The following RALGAPA2 variants were observed in gnomAD, a reference collection of about 807,000 sequenced individuals.
The protein encoded by RALGAPA2 is Ral GTPase activating protein catalytic subunit alpha 2, also known as ral GTPase-activating protein subunit alpha-2.
In RALGAPA2, 139 loss-of-function variants were observed where a neutral mutation model predicts 230.4. The observed-to-expected ratio is 0.60, with a 90% confidence interval of 0.53 to 0.69. The LOEUF (loss-of-function observed/expected upper bound fraction) is 0.69. Ranked by LOEUF, RALGAPA2 falls within the 30% of genes least tolerant of loss-of-function variation. The pLI is 0.00. For synonymous variants in RALGAPA2, 847 were observed against 837.8 expected (o/e 1.01, Z -0.19); for missense variants, 2,163 against 2,276.0 (o/e 0.95, Z 1.01).
chr20:20,658,432 G>A lies in RALGAPA2; in HGVS notation c.271-4845C>T, dbSNP rs2067661346. Among the ~76,000 whole-genome samples the A allele has an allele frequency of 2.0e-5, 3 of 152,120 alleles. No homozygotes were observed. In the South Asian group the frequency reaches 6.2e-4, roughly 32 times the overall value. On this transcript the variant is annotated intron_variant, in intron 3 of 39. Transcript: ENST00000202677. ...ACAATCTGGCATTTCTTCTACTGCA[G>A]CCAATATTCTAAGCTATACTGCTGT...
intron 35 of RALGAPA2, among the ~76,000 whole-genome samples, chr20:20,496,475 A>G (rs949141227): frequency 2.0e-4 from 31 of 152,224 alleles, no homozygotes; most frequent in Admixed American, 6.5e-5. Flanking sequence ...GCCCTCTGAC[A>G]TCTTCTGGGA....
At chr20:20,454,157 A>G (rs1283582661) in intron 37 of RALGAPA2, among the ~76,000 whole-genome samples, 1 of 152,204 alleles carries the variant, frequency 6.6e-6, no homozygotes, top group African/African-American at 2.4e-5. Flanking sequence ...AAAAATGGAA[A>G]GGATGCAGTG....
chr20:20,431,836 G>A (rs2060508308), intron 37 of RALGAPA2, among the ~76,000 whole-genome samples: 1 of 152,084 alleles, frequency 6.6e-6, no homozygotes. Flanking sequence ...GGTTCCAAAT[G>A]TCACTTCTAT....
chr20:20,486,343 T>C (rs1161751003), intron 36 of RALGAPA2, among the ~76,000 whole-genome samples: 2 of 152,234 alleles, frequency 1.3e-5, no homozygotes, highest in Non-Finnish European at 1.5e-5. Context: ...TTTTGAAGGA[T>C]AATTTCTCTG....
At chr20:20,615,204 C>T (rs555727794) in intron 13 of RALGAPA2, among the ~76,000 whole-genome samples, 44 of 149,428 alleles carry the variant, frequency 2.9e-4, no homozygotes, top group Admixed American at 2.9e-3. Context: ...CTCACTCTGT[C>T]GCCCAGGCTG....
chr20:20,431,461 G>A (rs1407058201), intron 37 of RALGAPA2, among the ~76,000 whole-genome samples: 1 of 152,136 alleles, frequency 6.6e-6, no homozygotes, highest in Non-Finnish European at 1.5e-5. Context: ...GGCAGGTAGA[G>A]GACATTTCAA....
chr20:20,618,677 T>C (rs1259532753), intron 12 of RALGAPA2, among the ~76,000 whole-genome samples: 2 of 152,248 alleles, frequency 1.3e-5, no homozygotes, highest in Middle Eastern at 3.4e-3. Flanking sequence ...GCACCCTGTA[T>C]TTTCACTTAC....
At chr20:20,478,397 A>G (rs748160164) in intron 36 of RALGAPA2, among the ~76,000 whole-genome samples, 2 of 152,158 alleles carry the variant, frequency 1.3e-5, no homozygotes, top group Non-Finnish European at 2.9e-5. Flanking sequence ...AAGTAGAAGG[A>G]AAGAACTAAT....
At chr20:20,394,410 G>C (rs1439112612) in intron 39 of RALGAPA2, among the ~76,000 whole-genome samples, 2 of 152,098 alleles carry the variant, frequency 1.3e-5, no homozygotes, top group East Asian at 3.9e-4. Flanking sequence ...GGGCGCGGTG[G>C]GCGGATCGCT....
intron 3 of RALGAPA2, among the ~76,000 whole-genome samples, chr20:20,668,247 A>G (rs1372274181): frequency 6.6e-6 from 1 of 152,080 alleles, no homozygotes; most frequent in African/African-American, 2.4e-5. Context: ...TACTAAGAAT[A>G]CAAAAATTAG....
intron 23 of RALGAPA2, among the ~76,000 whole-genome samples, chr20:20,562,477 C>T (rs2064287109): frequency 1.3e-5 from 2 of 152,200 alleles, no homozygotes; most frequent in South Asian, 2.1e-4. Flanking sequence ...TATTTTTATG[C>T]TTTATTTCAC....
chr20:20,542,236 A>C (rs2063663176), intron 24 of RALGAPA2, among the ~76,000 whole-genome samples: 1 of 152,206 alleles, frequency 6.6e-6, no homozygotes, highest in South Asian at 2.1e-4. Flanking sequence ...GTAACTACAA[A>C]CCACTGCTCA....
intron 10 of RALGAPA2, among the ~76,000 whole-genome samples, chr20:20,626,112 G>A (rs2146388837): frequency 6.6e-6 from 1 of 152,292 alleles, no homozygotes; most frequent in Admixed American, 6.5e-5. Context: ...CTGAGAATGT[G>A]CACTTCTTGA....
At chr20:20,561,268 T>C (rs947671711) in intron 23 of RALGAPA2, among the ~76,000 whole-genome samples, 3 of 152,244 alleles carry the variant, frequency 2.0e-5, no homozygotes, top group African/African-American at 7.2e-5. Context: ...ACAGCACTGC[T>C]TCAGACATTT....
Position 20,619,410 on chromosome 20 carries a change from G to T in RALGAPA2, c.1406C>A (p.Ser469Ter), listed in dbSNP as rs1412423792. ...TCGTTTATGACCAGAACTTTCAGAT[G>T]AGGCCTTCAGAAGATAATGATCCAT... ...GFSETDSKEA[S>*]SESSGHKRSS... The change falls in exon 12 of 40, where the codon TCA becomes TAA. Residue 469 changes from serine to a stop codon, truncating the protein, a stop_gained. Coordinates refer to ENST00000202677, the MANE Select transcript of RALGAPA2 (RefSeq NM_020343.4). LOFTEE classifies it high-confidence loss of function. 1 of 1,597,382 alleles carries T rather than the reference G, an allele frequency of 6.3e-7. No homozygotes were observed. The highest frequency in any genetic ancestry group is 2.2e-5 in the East Asian group (1 of 44,642).
chr20:20,450,933 G>C (rs763421554), intron 37 of RALGAPA2, among the ~76,000 whole-genome samples: 3 of 152,194 alleles, frequency 2.0e-5, no homozygotes, highest in Non-Finnish European at 4.4e-5. Context: ...ATACTCCAGT[G>C]AATTTTGCCC....
chr20:20,616,276 T>C (rs144371343), intron 12 of RALGAPA2, 85 bp from the exon 13 acceptor site: 182 of 1,009,036 alleles, frequency 1.8e-4, no homozygotes, highest in Non-Finnish European at 2.2e-4. Flanking sequence ...AATTTCACTC[T>C]ACCAATGAAA....
intron 27 of RALGAPA2, among the ~76,000 whole-genome samples, chr20:20,528,534 G>A (rs566489383): frequency 7.2e-5 from 11 of 152,312 alleles, no homozygotes; most frequent in African/African-American, 2.6e-4. Flanking sequence ...AGGAGAAGGA[G>A]GAAAGTCAGT....
At chr20:20,446,845 T>C (rs971034874) in intron 37 of RALGAPA2, among the ~76,000 whole-genome samples, 5 of 152,176 alleles carry the variant, frequency 3.3e-5, no homozygotes, top group African/African-American at 1.2e-4. Flanking sequence ...CGAGCCTCTT[T>C]GGCTGGCTGT....
Sources: allele counts gnomAD v4.1 joint callset (sites outside exome capture counted in the v4.1 genomes callset), GRCh38; gene constraint gnomAD v4.1.1; transcripts MANE v1.5; gene names NCBI Gene and HGNC (gene_info 2026-07-23, HGNC 2026-07-21).